Variants in ZC3HC1 observed in about 807,000 individuals in gnomAD.
ZC3HC1 encodes the protein zinc finger C3HC-type protein 1.
In ZC3HC1, 38 loss-of-function variants were observed where a neutral mutation model predicts 61.9. That is an observed-to-expected ratio of 0.61 (90% CI 0.47 to 0.81). The LOEUF is 0.81. ZC3HC1 is among the 30% of genes least tolerant of loss of function. The probability of loss-of-function intolerance (pLI) is 0.00; values close to 1 mark genes in which losing one functional copy is unlikely to be tolerated. For missense variants in ZC3HC1, 554 were observed against 622.7 expected, an observed-to-expected ratio of 0.89 and a Z score of 1.17; for synonymous variants, 213 against 229.9, an observed-to-expected ratio of 0.93 and a Z score of 0.67.
At chr7:130,042,804 TC>T (rs1794731229) in intron 2 of ZC3HC1, among the ~76,000 whole-genome samples, 1 of 152,136 alleles carries the variant, frequency 6.6e-6, no homozygotes, top group Non-Finnish European at 1.5e-5. Context: ...TGCCTCAGCC[TC>T]CCGAGTAGCT....
chr7:130,046,293 C>T (rs1166180718), intron 2 of ZC3HC1, among the ~76,000 whole-genome samples: 2 of 152,022 alleles, frequency 1.3e-5, no homozygotes, highest in African/African-American at 4.8e-5. Flanking sequence ...CACATGTACC[C>T]CGGAACTGAA....
At chr7:130,032,899 ATACT>A (rs1794280223) in intron 4 of ZC3HC1, among the ~76,000 whole-genome samples, 1 of 152,150 alleles carries the variant, frequency 6.6e-6, no homozygotes, top group Non-Finnish European at 1.5e-5. Flanking sequence ...AGAAGAAATA[ATACT>A]TACAAATATA....
intron 2 of ZC3HC1, chr7:130,043,924 T>A (rs1372571001): frequency 2.3e-6 from 1 of 440,524 alleles, no homozygotes; most frequent in Admixed American, 2.7e-5. Context: ...CAGTGTTGAA[T>A]ATGGGAGGGA....
At chr7:130,030,869 C>T (rs1228734155) in intron 4 of ZC3HC1, among the ~76,000 whole-genome samples, 4 of 150,482 alleles carry the variant, frequency 2.7e-5, no homozygotes, top group Admixed American at 6.6e-5. Flanking sequence ...GGGGTTTCAC[C>T]GTGTTAGCCA....
intron 5 of ZC3HC1, among the ~76,000 whole-genome samples, chr7:130,027,934 C>T (rs539471383): frequency 2.6e-5 from 4 of 151,354 alleles, no homozygotes; most frequent in South Asian, 2.1e-4. Flanking sequence ...TTTGGGAGGC[C>T]GAGGTGGGCG....
At chr7:130,043,603 A>G (rs1794760842) in intron 2 of ZC3HC1, 1 of 190,534 alleles carries the variant, frequency 5.2e-6, no homozygotes, top group Non-Finnish European at 1.1e-5. Flanking sequence ...TGCAAGAAAT[A>G]ATGGTAGAAG....
At chr7:130,047,638 T>TACATAC (rs1794917407) in intron 2 of ZC3HC1, among the ~76,000 whole-genome samples, 1 of 138,138 alleles carries the variant, frequency 7.2e-6, no homozygotes, top group Non-Finnish European at 1.5e-5. Flanking sequence ...AGACTTTGTC[T>TACATAC]ACACACACAC....
intron 4 of ZC3HC1, among the ~76,000 whole-genome samples, chr7:130,032,022 A>G (rs573300030): frequency 1.3e-5 from 2 of 152,272 alleles, no homozygotes; most frequent in Middle Eastern, 6.8e-3. Flanking sequence ...TCAGCAGTTC[A>G]AGACCAGCCT....
chr7:130,020,473 G>A (rs928138494), intron 9 of ZC3HC1, among the ~76,000 whole-genome samples: 8 of 151,718 alleles, frequency 5.3e-5, no homozygotes, highest in East Asian at 1.9e-4. Flanking sequence ...TGTTGGCCAC[G>A]CTGGTCTCGA....
intron 5 of ZC3HC1, 75 bp downstream of exon 5, chr7:130,028,827 C>G: frequency 6.4e-7 from 1 of 1,551,084 alleles, no homozygotes. Context: ...ATCTTCTTGT[C>G]ATTAAAAGAA....
At chr7:130,043,671 G>A (rs972225649) in intron 2 of ZC3HC1, 3 of 320,044 alleles carry the variant, frequency 9.4e-6, no homozygotes, top group African/African-American at 6.5e-5. Context: ...ATTAGGCGGT[G>A]AACAAGGAAG....
At chr7:130,030,467 T>A (rs1584573162) in intron 4 of ZC3HC1, among the ~76,000 whole-genome samples, 1 of 152,126 alleles carries the variant, frequency 6.6e-6, no homozygotes, top group East Asian at 1.9e-4. Context: ...CCCAAAGTGC[T>A]GAGATTACAG....
At chr7:130,039,609 T>A in intron 3 of ZC3HC1, 62 bp from the exon 4 acceptor site, 2 of 1,255,862 alleles carry the variant, frequency 1.6e-6, no homozygotes, top group Admixed American at 4.6e-5. Flanking sequence ...ATCCAATGAA[T>A]GGCCTCTAAG....
At chr7:130,050,350 TTA>T in intron 1 of ZC3HC1, 2 of 1,401,110 alleles carry the variant, frequency 1.4e-6, no homozygotes, top group East Asian at 2.5e-5. Flanking sequence ...AGTGCTGGGA[TTA>T]TAGGCGTGAG....
At chr7:130,046,088 G>A (rs1046944955) in intron 2 of ZC3HC1, among the ~76,000 whole-genome samples, 1 of 152,066 alleles carries the variant, frequency 6.6e-6, no homozygotes, top group Non-Finnish European at 1.5e-5. Context: ...ATAAGTGGGA[G>A]CTGAATGATG....
rs1253654706 is a variant in ZC3HC1, at chr7:130,051,346, T to C, written c.21A>G (p.Gly7=). 10 of 1,612,992 alleles carry C rather than the reference T, an allele frequency of 6.2e-6. No homozygotes were observed. Among genetic ancestry groups the C allele is most frequent in the African/African-American group, 2.7e-5 (2 of 74,884 alleles). The part of the protein sequence containing the change: MAAPCE[G]QAFAVGVEKN... The stretch of plus-strand genomic sequence containing the variant: ...TTTCAACCCCTACGGCAAACGCTTG[T>C]CCCTCACAGGGCGCCGCCATCTTGG... Residue 7 remains glycine, a synonymous_variant, in exon 1 of 10, where the codon GGA becomes GGG. Coordinates refer to ENST00000358303, the MANE Select transcript of ZC3HC1 (RefSeq NM_016478.5).
chr7:130,032,590 G>A (rs1794245520), intron 4 of ZC3HC1, among the ~76,000 whole-genome samples: 1 of 151,270 alleles, frequency 6.6e-6, no homozygotes, highest in Admixed American at 6.6e-5. Flanking sequence ...AAGCTGCAGT[G>A]AGCTATGATT....
chr7:130,050,444 C>T, intron 1 of ZC3HC1: 3 of 1,530,054 alleles, frequency 2.0e-6, no homozygotes, highest in Non-Finnish European at 2.6e-6. Flanking sequence ...TAAACTTACT[C>T]TAAGACTCTC....
At chr7:130,021,255 T>C (rs1377312825) in intron 9 of ZC3HC1, among the ~76,000 whole-genome samples, 1 of 152,186 alleles carries the variant, frequency 6.6e-6, no homozygotes, top group Non-Finnish European at 1.5e-5. Flanking sequence ...AGTGGAATCC[T>C]GTAACCCTAG....
Sources: allele counts gnomAD v4.1 joint callset (sites outside exome capture counted in the v4.1 genomes callset), GRCh38; gene constraint gnomAD v4.1.1; transcripts MANE v1.5; gene names NCBI Gene and HGNC (gene_info 2026-07-23, HGNC 2026-07-21).